ITSN2: variants seen among roughly 807,000 people sequenced by gnomAD.
ITSN2 encodes the protein intersectin 2.
A neutral mutation model predicts 243.7 loss-of-function variants in ITSN2; 156 were observed. The ratio of observed to expected loss-of-function variants is 0.64; its 90% confidence interval spans 0.56 to 0.73. ITSN2 has a LOEUF of 0.73. Among genes scored for constraint, ITSN2 ranks in the 30% least tolerant of loss-of-function variants. ITSN2 has a pLI of 0.00. For missense variants in ITSN2, 1,801 were observed against 1,996.1 expected, an observed-to-expected ratio of 0.90 and a Z score of 1.86; for synonymous variants, 703 against 699.9, an observed-to-expected ratio of 1.00 and a Z score of -0.07.
chr2:24,333,577 A>C (rs1047313115), intron 1 of ITSN2, among the ~76,000 whole-genome samples: 7 of 152,218 alleles, frequency 4.6e-5, no homozygotes, highest in African/African-American at 1.4e-4. Flanking sequence ...TAGAATGTTC[A>C]TATGATTTTC....
At chr2:24,348,309 G>A (rs1687733074) in intron 1 of ITSN2, among the ~76,000 whole-genome samples, 2 of 150,552 alleles carry the variant, frequency 1.3e-5, no homozygotes, top group Non-Finnish European at 2.9e-5. Flanking sequence ...CAAGTAGCTG[G>A]GATTACAGGT....
intron 1 of ITSN2, among the ~76,000 whole-genome samples, chr2:24,349,939 CT>C: frequency 6.6e-6 from 1 of 152,316 alleles, no homozygotes; most frequent in South Asian, 2.1e-4. Flanking sequence ...GTGAAAATAT[CT>C]TCTGAGTGTG....
At chr2:24,291,443 T>G (rs1680235104) in intron 15 of ITSN2, among the ~76,000 whole-genome samples, 1 of 151,952 alleles carries the variant, frequency 6.6e-6, no homozygotes. Context: ...CAGGAATCTT[T>G]CACGTCTATT....
In ITSN2 at chr2:24,209,179, G is replaced by C. The variant is rs575882999; in HGVS notation, c.4516C>G (p.Pro1506Ala). 3 of 1,613,998 alleles carry C rather than the reference G, an allele frequency of 1.9e-6. No individual in the cohort carries two copies. Among genetic ancestry groups the C allele is most frequent in the South Asian group, 1.1e-5 (1 of 91,086 alleles). ...NEVLVKLPTD[P>A]SSDEPVFHIS... ...TGGAAGACAGGCTCATCGCTGGAAG[G>C]GTCTGTGGGCAGTTTCACCAAGACT... The change falls in exon 36 of 40, where the codon CCT (proline) becomes GCT (alanine). Residue 1506 changes from proline (P) to alanine (A), a missense_variant. Pro to Ala is a conservative substitution (Grantham distance 27, BLOSUM62 -1). Coordinates refer to ENST00000355123, the MANE Select transcript of ITSN2 (RefSeq NM_006277.3).
intron 1 of ITSN2, 58 bp from the exon 2 acceptor site, chr2:24,328,173 T>C: frequency 8.1e-7 from 1 of 1,236,124 alleles, no homozygotes; most frequent in Middle Eastern, 1.9e-4. Flanking sequence ...CACAGTTTAG[T>C]GCACCCGCTA....
At chr2:24,355,368 C>T (rs532642518) in intron 1 of ITSN2, among the ~76,000 whole-genome samples, 2 of 152,306 alleles carry the variant, frequency 1.3e-5, no homozygotes, top group African/African-American at 4.8e-5. Context: ...CAGCATGGCA[C>T]TGGTACCAAA....
chr2:24,267,729 T>C (rs887648029), intron 20 of ITSN2, among the ~76,000 whole-genome samples: 6 of 152,180 alleles, frequency 3.9e-5, no homozygotes, highest in Admixed American at 3.9e-4. Flanking sequence ...TAATTTTTTT[T>C]TACTTTTTGT....
Position 24,216,247 on chromosome 2 carries a change from C to A in ITSN2, c.3807-15G>T. On this transcript the variant is annotated splice_polypyrimidine_tract_variant and intron_variant, in intron 31 of 39. Transcript: ENST00000355123. ...CCCGCAAAGCCCTGCCAAGAACACA[C>A]TCTCATTTTGTGTTTCTAAGTGAAT... 6.4e-7 allele frequency: 1 copy of A among 1,562,968 alleles called. No homozygotes were observed. Among genetic ancestry groups the A allele is most frequent in the Non-Finnish European group, 8.7e-7 (1 of 1,153,084 alleles).
At chr2:24,258,922 T>C (rs964877243) in intron 22 of ITSN2, among the ~76,000 whole-genome samples, 10 of 152,332 alleles carry the variant, frequency 6.6e-5, no homozygotes, top group African/African-American at 2.4e-4. Context: ...TCTCTGGTGA[T>C]TGATGGCTCC....
intron 29 of ITSN2, among the ~76,000 whole-genome samples, chr2:24,227,854 G>A (rs1252904413): frequency 6.6e-6 from 1 of 152,134 alleles, no homozygotes; most frequent in African/African-American, 2.4e-5. Context: ...GGGAGGCAGA[G>A]GTTGTTGTGA....
At chr2:24,265,939 G>A (rs371395308) in intron 20 of ITSN2, among the ~76,000 whole-genome samples, 4 of 152,232 alleles carry the variant, frequency 2.6e-5, no homozygotes, top group Admixed American at 6.5e-5. Context: ...GTTATCCTTC[G>A]TTAAGATAAT....
At position 24,293,720 on chromosome 2, in the gene ITSN2, CT is replaced by C; in HGVS notation, c.1690del (p.Arg564GlufsTer23). ...GTTACTGAACTGCATGTTTTTAATT[CT>C]TTCATTTAATAATTGCTTCTCAGGT... ...LVPEKQLLNE[R>X]IKNMQFSNTP... is the part of the protein sequence containing the mutation. On this transcript the variant is annotated frameshift_variant, in exon 15 of 40. Coordinates refer to ENST00000355123, the MANE Select transcript of ITSN2 (RefSeq NM_006277.3). LOFTEE classifies it high-confidence loss of function. The C allele has an allele frequency of 7.9e-7, 1 of 1,272,740 alleles. No homozygotes were observed. Among genetic ancestry groups the C allele is most frequent in the Non-Finnish European group, 1.1e-6 (1 of 910,142 alleles). The allele number at this position is 1,272,740 out of a possible 1,614,324, so 78.8% of individuals were successfully genotyped here.
chr2:24,333,113 A>G (rs1198383235), intron 1 of ITSN2, among the ~76,000 whole-genome samples: 1 of 152,244 alleles, frequency 6.6e-6, no homozygotes, highest in South Asian at 2.1e-4. Context: ...CAAATTCAGT[A>G]TGTCATGAAG....
rs2151370748 is a variant in ITSN2 at position 24,257,840 on chromosome 2, T to C, written c.2888+48A>G. 5 of 1,394,158 alleles carry C rather than the reference T, an allele frequency of 3.6e-6. No individual in the cohort carries two copies. The East Asian group carries it at 1.1e-4, about 32-fold the overall frequency. The allele number at this position is 1,394,158 out of a possible 1,614,324, so 86.4% of individuals were successfully genotyped here. On this transcript the variant is annotated intron_variant, in intron 23 of 39. Coordinates refer to ENST00000355123, the MANE Select transcript of ITSN2 (RefSeq NM_006277.3). ...AATCAGACCATGGCTGACTCATTAGTGAAAATACCAACATCCACATCTCAT... is the reference window on the plus strand; with the variant it reads ...AATCAGACCATGGCTGACTCATTAGCGAAAATACCAACATCCACATCTCAT...
At chr2:24,282,382 T>A (rs1678897667) in intron 17 of ITSN2, among the ~76,000 whole-genome samples, 1 of 152,168 alleles carries the variant, frequency 6.6e-6, no homozygotes, top group Admixed American at 6.5e-5. Flanking sequence ...CCGTCTCCCT[T>A]CTGGCTCCCC....
At chr2:24,203,831 T>C in intron 39 of ITSN2, 48 bp from the exon 40 acceptor site, 1 of 1,551,102 alleles carries the variant, frequency 6.4e-7, no homozygotes, top group Non-Finnish European at 8.8e-7. Flanking sequence ...CTTTATAAAA[T>C]CATTAAAGAG....
At chr2:24,215,856 C>T (rs1255786277) in intron 32 of ITSN2, among the ~76,000 whole-genome samples, 193 bp downstream of exon 32, 2 of 151,962 alleles carry the variant, frequency 1.3e-5, no homozygotes, top group Admixed American at 6.6e-5. Context: ...ATGATGGTCC[C>T]AGTGCCAGGA....
chr2:24,241,551 C>CT (rs1672731429), intron 29 of ITSN2: 1 of 152,474 alleles, frequency 6.6e-6, no homozygotes, highest in Non-Finnish European at 1.5e-5. Context: ...AAAAGCTCCC[C>CT]CAAAATGTTG....
intron 29 of ITSN2, among the ~76,000 whole-genome samples, chr2:24,230,687 G>A (rs1409048821): frequency 6.6e-6 from 1 of 152,034 alleles, no homozygotes; most frequent in Non-Finnish European, 1.5e-5. Flanking sequence ...AGAATTGCTT[G>A]AACCCAGGAG....
Sources: gnomAD v4.1 joint callset for allele counts (sites outside exome capture counted in the v4.1 genomes callset) on GRCh38, gnomAD v4.1.1 for gene constraint, MANE v1.5 for transcripts, NCBI Gene and HGNC (gene_info 2026-07-23, HGNC 2026-07-21) for gene names.